The following TMEM131 variants were observed in gnomAD, a reference collection of about 807,000 sequenced individuals.
TMEM131 encodes the protein transmembrane protein 131.
TMEM131 carries 66 observed loss-of-function variants against 211.6 expected under a neutral mutation model. The observed-to-expected ratio is 0.31, with a 90% CI of 0.26 to 0.38. TMEM131 has a LOEUF of 0.38. Ranked by LOEUF, TMEM131 falls within the 10% of genes least tolerant of loss-of-function variation. The pLI, the probability that TMEM131 is intolerant of heterozygous loss-of-function variation, is 1.00. For missense variants in TMEM131, 2,036 were observed against 2,299.3 expected (o/e 0.89, Z 2.34); for synonymous variants, 844 against 841.3 (o/e 1.00, Z -0.06).
intron 2 of TMEM131, chr2:97,913,013 T>A (rs1389574896): frequency 6.6e-6 from 1 of 152,214 alleles, no homozygotes; most frequent in Non-Finnish European, 1.5e-5. Flanking sequence ...GGCAATTTTG[T>A]TTCCCTGGGG....
chr2:97,818,211 G>C (rs1681926348), intron 12 of TMEM131, among the ~76,000 whole-genome samples: 1 of 152,040 alleles, frequency 6.6e-6, no homozygotes, highest in Non-Finnish European at 1.5e-5. Context: ...ATATGAAAAT[G>C]TTACAAAGAA....
At chr2:97,773,792 T>C (rs375913463) in intron 32 of TMEM131, among the ~76,000 whole-genome samples, 2 of 152,022 alleles carry the variant, frequency 1.3e-5, no homozygotes, top group African/African-American at 4.8e-5. Context: ...TTTGTAGAAA[T>C]GGGGTTTCAC....
chr2:97,864,000 T>TA (rs980787273), intron 4 of TMEM131, among the ~76,000 whole-genome samples: 41 of 151,942 alleles, frequency 2.7e-4, no homozygotes, highest in Non-Finnish European at 4.7e-4. Context: ...GATGAATGGA[T>TA]AAAAAAAATG....
intron 18 of TMEM131, among the ~76,000 whole-genome samples, chr2:97,810,434 CA>C (rs1681498147): frequency 6.6e-6 from 1 of 152,104 alleles, no homozygotes; most frequent in African/African-American, 2.4e-5. Flanking sequence ...ATTAAATGGC[CA>C]ATTCTGTTTA....
intron 3 of TMEM131, among the ~76,000 whole-genome samples, chr2:97,900,567 G>GAC (rs1485738837): frequency 1.3e-5 from 2 of 151,706 alleles, no homozygotes; most frequent in East Asian, 3.9e-4. Context: ...AATCCACACA[G>GAC]ACACACACAC....
chr2:97,806,354 T>C (rs1681296564), intron 19 of TMEM131, among the ~76,000 whole-genome samples: 1 of 152,162 alleles, frequency 6.6e-6, no homozygotes, highest in Non-Finnish European at 1.5e-5. Flanking sequence ...CAGGCCAACA[T>C]GGTGAAACCC....
chr2:97,866,941 C>G (rs1674296915), intron 4 of TMEM131, among the ~76,000 whole-genome samples: 1 of 152,124 alleles, frequency 6.6e-6, no homozygotes, highest in Non-Finnish European at 1.5e-5. Flanking sequence ...GTTAAGCAAC[C>G]CTAATCTGAG....
At chr2:97,884,322 A>T (rs1368411370) in intron 4 of TMEM131, among the ~76,000 whole-genome samples, 1 of 152,172 alleles carries the variant, frequency 6.6e-6, no homozygotes, top group East Asian at 1.9e-4. Flanking sequence ...TTTTTTTGAG[A>T]TTCATTTTGT....
rs1675235325 is a variant in TMEM131 at position 97,888,129 on chromosome 2, A to G, written c.291-9T>C. ...CCCGGTAGAGAGATATACTGTAAAT[A>G]AAAAGAAAACAACATAAGAAGCAAT... On this transcript the variant is annotated splice_polypyrimidine_tract_variant and intron_variant, in intron 3 of 40. Coordinates refer to ENST00000186436, the MANE Select transcript of TMEM131 (RefSeq NM_015348.2). The G allele has an allele frequency of 6.2e-7, 1 of 1,608,110 alleles. No homozygotes were observed. Among genetic ancestry groups the G allele is most frequent in the Non-Finnish European group, 8.5e-7 (1 of 1,175,808 alleles).
intron 1 of TMEM131, among the ~76,000 whole-genome samples, chr2:97,928,829 G>A (rs903343030): frequency 2.6e-5 from 4 of 151,744 alleles, no homozygotes; most frequent in Non-Finnish European, 5.9e-5. Context: ...AAACAAGGCG[G>A]GGGAGGCCAA....
At chr2:97,870,246 T>G (rs558389869) in intron 4 of TMEM131, among the ~76,000 whole-genome samples, 1 of 152,302 alleles carries the variant, frequency 6.6e-6, no homozygotes, top group South Asian at 2.1e-4. Flanking sequence ...GATTGAATAA[T>G]TGGGAGAATG....
chr2:97,773,522 G>A (rs1679566301), intron 32 of TMEM131, among the ~76,000 whole-genome samples: 1 of 152,170 alleles, frequency 6.6e-6, no homozygotes, highest in South Asian at 2.1e-4. Context: ...AGCTGGCCCA[G>A]CCAGGACCAG....
intron 12 of TMEM131, 132 bp downstream of exon 12, chr2:97,818,481 G>GGGA (rs796772650): frequency 9.2e-5 from 27 of 293,246 alleles, no homozygotes; most frequent in Middle Eastern, 1.3e-3. Flanking sequence ...GGCGGGGGGG[G>GGGA]ATCAACCTAA....
At position 97,881,302 on chromosome 2, in the gene TMEM131, G is replaced by A. The variant is rs1674919707; in HGVS notation, c.359+6750C>T. Among the ~76,000 whole-genome samples, 4 of 150,536 alleles carry A rather than the reference G, an allele frequency of 2.7e-5. No individual in the cohort carries two copies. In the South Asian group the frequency reaches 8.5e-4, roughly 32 times the overall value. On this transcript the variant is annotated intron_variant, in intron 4 of 40. Transcript: ENST00000186436. The stretch of plus-strand genomic sequence containing the variant: ...TGCCCAGGCTGGAGTGCACTGTTGT[G>A]ATCTCAGCTCACTGCAACCTCTGCC...
Position 97,802,723 on chromosome 2 carries a change from G to T in TMEM131, c.2470C>A (p.Leu824Ile). Reference sequence around the variant, plus strand: ...GAGCTAAGTATGGAAGGCCAGGAGAGCTCAGCAGTGATTTTTGATATTATA... The same window carrying T: ...GAGCTAAGTATGGAAGGCCAGGAGATCTCAGCAGTGATTTTTGATATTATA... ...KNIISKITAE[L>I]SWPSILSSPR... is the part of the protein sequence containing the mutation. Residue 824 changes from leucine to isoleucine, a missense_variant, in exon 23 of 41, where the codon CTC becomes ATC. Leu to Ile is a conservative substitution (Grantham distance 5, BLOSUM62 2). Around this residue, in one of 3 missense-constraint regions of TMEM131, gnomAD observed 1,623 missense variants for 1,805.9 expected, o/e 0.90. Coordinates refer to ENST00000186436, the MANE Select transcript of TMEM131 (RefSeq NM_015348.2). The T allele has an allele frequency of 6.3e-7, 1 of 1,588,038 alleles. No individual in the cohort carries two copies. Among genetic ancestry groups the T allele is most frequent in the Non-Finnish European group, 8.5e-7 (1 of 1,171,662 alleles).
chr2:97,939,014 G>A (rs565526810), intron 1 of TMEM131, among the ~76,000 whole-genome samples: 45 of 152,274 alleles, frequency 3.0e-4, no homozygotes, highest in African/African-American at 1.1e-3. Context: ...GAATCTCTGG[G>A]ACACATTTAA....
chr2:97,782,419 T>G (rs1009395840), intron 31 of TMEM131, among the ~76,000 whole-genome samples: 3 of 152,180 alleles, frequency 2.0e-5, no homozygotes, highest in African/African-American at 7.2e-5. Flanking sequence ...CTCAGAACAT[T>G]AATACCCAAA....
chr2:97,834,903 T>C lies in TMEM131; in HGVS notation c.827A>G (p.Lys276Arg), dbSNP rs1352221541. ...KLWEIPPYETKGVMRASFSSR... is the reference protein window; with the variant it reads ...KLWEIPPYETRGVMRASFSSR... ...TGAAAAACTGGCTCTCATCACTCCC[T>C]TGGTTTCATAAGGAGGAATTTCCTG... is the stretch of plus-strand genomic sequence containing the variant. Residue 276 changes from lysine (K) to arginine (R), a missense_variant, in exon 9 of 41, where the codon AAG becomes AGG. Physicochemically the swap from Lys to Arg is conservative, Grantham distance 26. This residue lies in a region of TMEM131 where 277 missense variants were observed against 378.0 expected (regional missense o/e 0.73). Transcript: ENST00000186436. 6 of 1,613,618 alleles carry C rather than the reference T, an allele frequency of 3.7e-6. No individual in the cohort carries two copies. In the East Asian group the frequency reaches 6.7e-5, roughly 18 times the overall value.
At chr2:97,914,514 T>C (rs1460201576) in intron 2 of TMEM131, among the ~76,000 whole-genome samples, 1 of 152,180 alleles carries the variant, frequency 6.6e-6, no homozygotes, top group Non-Finnish European at 1.5e-5. Context: ...TGTGTCGCTT[T>C]TATAATCACA....
Sources: gnomAD v4.1 joint callset for allele counts (sites outside exome capture counted in the v4.1 genomes callset) on GRCh38, gnomAD v4.1.1 for gene constraint, gnomAD v4.1.1 regional missense constraint, MANE v1.5 for transcripts, NCBI Gene and HGNC (gene_info 2026-07-23, HGNC 2026-07-21) for gene names.